The following PHACTR1 variants were observed in gnomAD, a reference collection of about 807,000 sequenced individuals.
PHACTR1 encodes phosphatase and actin regulator 1.
A neutral mutation model predicts 69.2 loss-of-function variants in PHACTR1; 16 were observed. The observed-to-expected ratio is 0.23, with a 90% CI of 0.16 to 0.35. The LOEUF (loss-of-function observed/expected upper bound fraction) is 0.35, where lower values mean the gene tolerates loss of function less well. PHACTR1 is among the 10% of genes least tolerant of loss of function. The pLI, the probability that PHACTR1 is intolerant of heterozygous loss-of-function variation, is 1.00. For missense variants in PHACTR1, 510 were observed against 734.7 expected, an observed-to-expected ratio of 0.69 and a Z score of 3.54; for synonymous variants, 312 against 284.5, an observed-to-expected ratio of 1.10 and a Z score of -0.97.
At chr6:13,103,292 G>A (rs1399398983) in intron 5 of PHACTR1, among the ~76,000 whole-genome samples, 1 of 152,198 alleles carries the variant, frequency 6.6e-6, no homozygotes, top group African/African-American at 2.4e-5. Flanking sequence ...TTAAGCATGA[G>A]ATCTCTAATA....
intron 5 of PHACTR1, among the ~76,000 whole-genome samples, chr6:13,126,874 G>C (rs932265490): frequency 1.3e-5 from 2 of 152,202 alleles, no homozygotes; most frequent in African/African-American, 2.4e-5. Context: ...TCGTAGGAGA[G>C]GCAAATTTTT....
At chr6:12,971,548 A>T (rs2127581386) in intron 4 of PHACTR1, among the ~76,000 whole-genome samples, 1 of 152,164 alleles carries the variant, frequency 6.6e-6, no homozygotes, top group South Asian at 2.1e-4. Flanking sequence ...ATGTATACGA[A>T]ATGTCCAAAA....
intron 4 of PHACTR1, among the ~76,000 whole-genome samples, chr6:12,847,138 G>A (rs2127752149): frequency 6.6e-6 from 1 of 152,100 alleles, no homozygotes; most frequent in South Asian, 2.1e-4. Context: ...TTTTTCTTTT[G>A]TTAAAGATAA....
At chr6:12,902,215 G>C (rs919744605) in intron 4 of PHACTR1, among the ~76,000 whole-genome samples, 1 of 152,166 alleles carries the variant, frequency 6.6e-6, no homozygotes, top group African/African-American at 2.4e-5. Flanking sequence ...CTGATGTCAG[G>C]AGTTCGAGAC....
At chr6:12,870,227 T>C (rs1401181755) in intron 4 of PHACTR1, among the ~76,000 whole-genome samples, 2 of 152,210 alleles carry the variant, frequency 1.3e-5, no homozygotes, top group African/African-American at 4.8e-5. Context: ...AATGCAGCAG[T>C]ACATGTAGGT....
chr6:13,163,187 G>C (rs1343013767), intron 6 of PHACTR1, among the ~76,000 whole-genome samples: 1 of 152,232 alleles, frequency 6.6e-6, no homozygotes, highest in Non-Finnish European at 1.5e-5. Flanking sequence ...GGAGGTTGCA[G>C]TGAGCCAAGA....
chr6:12,946,082 CT>C (rs1285337339), intron 4 of PHACTR1, among the ~76,000 whole-genome samples: 6 of 151,470 alleles, frequency 4.0e-5, no homozygotes, highest in Non-Finnish European at 7.4e-5. Flanking sequence ...GATTTCTTTT[CT>C]TCAGTAGACA....
chr6:13,252,416 C>T (rs181143183), intron 10 of PHACTR1, among the ~76,000 whole-genome samples: 5 of 151,910 alleles, frequency 3.3e-5, no homozygotes, highest in Admixed American at 3.3e-4. Context: ...TTCCATTTGA[C>T]TCTCCATTTT....
intron 3 of PHACTR1, among the ~76,000 whole-genome samples, chr6:12,739,642 G>A (rs991893251): frequency 2.0e-5 from 3 of 152,068 alleles, no homozygotes; most frequent in African/African-American, 7.2e-5. Flanking sequence ...TGGTACAAGC[G>A]ATCCTCCCGT....
intron 11 of PHACTR1, among the ~76,000 whole-genome samples, chr6:13,276,742 A>C (rs1778997983): frequency 6.6e-6 from 1 of 152,208 alleles, no homozygotes; most frequent in Admixed American, 6.5e-5. Context: ...ACTGCACTCC[A>C]GCCTGGGCAA....
intron 10 of PHACTR1, among the ~76,000 whole-genome samples, chr6:13,248,002 G>A (rs1773829825): frequency 6.6e-6 from 1 of 152,226 alleles, no homozygotes; most frequent in Admixed American, 6.5e-5. Flanking sequence ...GAAGCCCTCA[G>A]CACATCCTCC....
intron 4 of PHACTR1, among the ~76,000 whole-genome samples, chr6:12,937,763 G>A (rs2127537223): frequency 6.6e-6 from 1 of 152,246 alleles, no homozygotes; most frequent in South Asian, 2.1e-4. Context: ...TAAATAGACT[G>A]ATGAACTTAA....
intron 4 of PHACTR1, among the ~76,000 whole-genome samples, chr6:12,824,252 A>G (rs1014239857): frequency 1.3e-5 from 2 of 152,170 alleles, no homozygotes; most frequent in African/African-American, 4.8e-5. Context: ...TCACCCCCAG[A>G]TGGGACCATC....
intron 3 of PHACTR1, among the ~76,000 whole-genome samples, chr6:12,741,702 T>C (rs566008221): frequency 1.3e-5 from 2 of 151,768 alleles, no homozygotes; most frequent in South Asian, 4.2e-4. Context: ...CTCTTATTTG[T>C]CAAGATTGTG....
rs149274474 is a variant in PHACTR1, at chr6:13,280,519, G to C, written c.1509+2190G>C. 456 of 179,686 alleles carry C rather than the reference G, an allele frequency of 2.5e-3. 1 individual carries two copies. Among genetic ancestry groups the C allele is most frequent in the African/African-American group, 0.01 (436 of 41,710 alleles). 11.1% of individuals were successfully genotyped at this position (179,686 alleles called of 1,614,324 possible). Reference sequence around the variant, plus strand: ...TCCTCTTGAGCATTTATCACACTGAGACCAGATGCCAGTGATGGGGGCTGC... The same window carrying C: ...TCCTCTTGAGCATTTATCACACTGACACCAGATGCCAGTGATGGGGGCTGC... On this transcript the variant is annotated intron_variant, in intron 12 of 14. Transcript: ENST00000332995.
At chr6:12,923,244 G>A (rs1353596667) in intron 4 of PHACTR1, among the ~76,000 whole-genome samples, 2 of 152,074 alleles carry the variant, frequency 1.3e-5, no homozygotes, top group African/African-American at 4.8e-5. Flanking sequence ...TTTATCAAAG[G>A]TCATGGAAAT....
intron 4 of PHACTR1, among the ~76,000 whole-genome samples, chr6:12,883,514 C>G (rs929785859): frequency 7.3e-5 from 11 of 151,518 alleles, no homozygotes; most frequent in Non-Finnish European, 1.5e-4. Flanking sequence ...CGTGCCCGTC[C>G]AAGCTTTTTT....
chr6:12,757,348 T>C lies in PHACTR1; in HGVS notation c.250+7558T>C, dbSNP rs149446281. Among the ~76,000 whole-genome samples, 275 of 152,042 alleles carry C rather than the reference T, an allele frequency of 1.8e-3. 1 individual carries two copies. The highest frequency in any genetic ancestry group is 0.01 in the Middle Eastern group (3 of 294). On this transcript the variant is annotated intron_variant, in intron 4 of 14. Transcript: ENST00000332995. ...AAGGAAGGGAGACGAAGAGGGGGAT[T>C]GAGAAGGAATGGGGACTAGAAAAGA...
chr6:12,949,357 CA>C (rs1294655246), intron 4 of PHACTR1, among the ~76,000 whole-genome samples: 74 of 150,752 alleles, frequency 4.9e-4, no homozygotes, highest in Non-Finnish European at 8.9e-5. Context: ...AGTGGAGATA[CA>C]ACCTATGTCA....
Sources: allele counts gnomAD v4.1 joint callset (sites outside exome capture counted in the v4.1 genomes callset), GRCh38; gene constraint gnomAD v4.1.1; transcripts MANE v1.5; gene names NCBI Gene and HGNC (gene_info 2026-07-23, HGNC 2026-07-21).